The following PAG1 variants were observed in gnomAD, a reference collection of about 807,000 sequenced individuals.
The protein encoded by PAG1 is phosphoprotein membrane anchor with glycosphingolipid microdomains 1.
Under a neutral mutation model 31.7 loss-of-function variants are expected in PAG1, and 23 were observed. That is an observed-to-expected ratio of 0.73 (90% CI 0.52 to 1.03). PAG1 has a LOEUF of 1.03. Ranked by LOEUF, PAG1 falls within the 50% of genes least tolerant of loss-of-function variation. PAG1 has a pLI of 0.00. For synonymous variants in PAG1, 214 were observed against 210.3 expected, an observed-to-expected ratio of 1.02 and a Z score of -0.15; for missense variants, 473 against 540.7, an observed-to-expected ratio of 0.87 and a Z score of 1.24.
chr8:80,984,859 G>C lies in PAG1; in HGVS notation c.793C>G (p.Leu265Val). Residue 265 changes from leucine to valine, a missense_variant, in exon 7 of 9, where the codon CTG (leucine) becomes GTG (valine). By Grantham distance (32) the Leu-to-Val change is conservative (BLOSUM62 1). Coordinates refer to ENST00000220597, the MANE Select transcript of PAG1 (RefSeq NM_018440.4). ...TCCTGAAGGTTTTCATTCTCGTCCA[G>C]AAGCTTAACAGGGACAGGTGGTGGG... Reference protein sequence around the residue: ...EAPPPVPVKLLDENENLQEKE... With the variant: ...EAPPPVPVKLVDENENLQEKE... The C allele has an allele frequency of 1.9e-6, 3 of 1,614,114 alleles. No homozygotes were observed. The South Asian group carries it at 3.3e-5, about 18-fold the overall frequency.
chr8:81,004,870 T>C (rs1807847709), intron 3 of PAG1, among the ~76,000 whole-genome samples: 1 of 152,042 alleles, frequency 6.6e-6, no homozygotes, highest in Non-Finnish European at 1.5e-5. Context: ...TGGAAAGGAC[T>C]CCCTCCCACG....
At chr8:81,075,058 C>A (rs1418824950) in intron 1 of PAG1, among the ~76,000 whole-genome samples, 3 of 152,220 alleles carry the variant, frequency 2.0e-5, no homozygotes, top group Non-Finnish European at 4.4e-5. Context: ...CATCTCCTTA[C>A]TTCCTGCAAC....
At chr8:81,065,558 T>G (rs561030304) in intron 2 of PAG1, among the ~76,000 whole-genome samples, 1 of 152,274 alleles carries the variant, frequency 6.6e-6, no homozygotes, top group South Asian at 2.1e-4. Context: ...TTACGTCACC[T>G]GACTCTCCAG....
chr8:81,088,859 C>A (rs1809401737), intron 1 of PAG1, among the ~76,000 whole-genome samples: 1 of 152,182 alleles, frequency 6.6e-6, no homozygotes, highest in Non-Finnish European at 1.5e-5. Context: ...CATTTATCAT[C>A]CTTAAGGAAA....
At chr8:81,046,593 T>C (rs1011680496) in intron 2 of PAG1, among the ~76,000 whole-genome samples, 1 of 152,232 alleles carries the variant, frequency 6.6e-6, no homozygotes, top group African/African-American at 2.4e-5. Flanking sequence ...AAACATAATT[T>C]AATGCACGGA....
intron 1 of PAG1, among the ~76,000 whole-genome samples, chr8:81,104,930 C>T (rs898015200): frequency 1.3e-5 from 2 of 152,116 alleles, no homozygotes; most frequent in Non-Finnish European, 2.9e-5. Context: ...CTCCAGCCTC[C>T]GCTCTCCATC....
chr8:81,107,261 T>A (rs1008189667), intron 1 of PAG1, among the ~76,000 whole-genome samples: 14 of 152,324 alleles, frequency 9.2e-5, no homozygotes, highest in Non-Finnish European at 1.9e-4. Flanking sequence ...TGCTGTCAAT[T>A]CCTGCTCCTG....
intron 4 of PAG1, among the ~76,000 whole-genome samples, chr8:80,992,063 G>C (rs1807561746): frequency 6.6e-6 from 1 of 152,140 alleles, no homozygotes; most frequent in South Asian, 2.1e-4. Context: ...TCTAAAGAAA[G>C]CCATCAGTTG....
intron 1 of PAG1, among the ~76,000 whole-genome samples, chr8:81,093,889 G>T (rs1212028068): frequency 1.3e-5 from 2 of 152,162 alleles, no homozygotes; most frequent in Non-Finnish European, 2.9e-5. Flanking sequence ...GGCCTGCCTT[G>T]CCCTGGTCAA....
At chr8:81,058,286 G>T (rs1011098646) in intron 2 of PAG1, among the ~76,000 whole-genome samples, 3 of 152,154 alleles carry the variant, frequency 2.0e-5, no homozygotes, top group African/African-American at 7.2e-5. Context: ...TCCTTCTGCA[G>T]GTTTCAATGT....
chr8:81,006,966 C>T (rs1299385238), intron 3 of PAG1, among the ~76,000 whole-genome samples: 1 of 152,178 alleles, frequency 6.6e-6, no homozygotes, highest in Admixed American at 6.5e-5. Flanking sequence ...CCCCAATTTC[C>T]ATTTTCTTTG....
chr8:81,078,380 T>C (rs1235714627), intron 1 of PAG1, among the ~76,000 whole-genome samples: 3 of 152,172 alleles, frequency 2.0e-5, no homozygotes, highest in Admixed American at 6.5e-5. Context: ...CAGGGCAAAA[T>C]ACCTTCCTAA....
intron 1 of PAG1, among the ~76,000 whole-genome samples, chr8:81,075,839 ATAT>A (rs1315302832): frequency 1.3e-5 from 2 of 152,342 alleles, no homozygotes; most frequent in East Asian, 3.9e-4. Context: ...TCACTACTAA[ATAT>A]TATATGTGCC....
intron 2 of PAG1, among the ~76,000 whole-genome samples, chr8:81,051,564 T>C (rs1808728804): frequency 6.6e-6 from 1 of 152,210 alleles, no homozygotes. Flanking sequence ...CGACTGAACA[T>C]CCTTTCTCAT....
chr8:81,075,555 C>T (rs1336642107), intron 1 of PAG1, among the ~76,000 whole-genome samples: 1 of 152,206 alleles, frequency 6.6e-6, no homozygotes, highest in African/African-American at 2.4e-5. Context: ...GTACTATTTG[C>T]AGACACCATG....
chr8:81,049,867 T>TGAC (rs1808698757), intron 2 of PAG1, among the ~76,000 whole-genome samples: 1 of 152,178 alleles, frequency 6.6e-6, no homozygotes, highest in Non-Finnish European at 1.5e-5. Flanking sequence ...TCTAGACTGC[T>TGAC]GACTCCCAGT....
At chr8:81,024,634 A>C (rs1335645709) in intron 3 of PAG1, among the ~76,000 whole-genome samples, 1 of 152,232 alleles carries the variant, frequency 6.6e-6, no homozygotes, top group Non-Finnish European at 1.5e-5. Context: ...GCCATACCAC[A>C]GAGTTAAAAG....
In PAG1 at chr8:80,990,508, G is replaced by A. The variant is rs1807517949; in HGVS notation, c.177+971C>T. 6.6e-6 allele frequency among the ~76,000 whole-genome samples: 1 copy of A among 152,184 alleles called. No homozygotes were observed. Among genetic ancestry groups the A allele is most frequent in the Admixed American group, 6.5e-5 (1 of 15,288 alleles). ...CATCTTCTGTCTTAGCACTGCCACAGGACTCAGGGCAGATTCTGAACTCTG... is the reference window on the plus strand; with the variant it reads ...CATCTTCTGTCTTAGCACTGCCACAAGACTCAGGGCAGATTCTGAACTCTG... On this transcript the variant is annotated intron_variant, in intron 5 of 8. Transcript: ENST00000220597. The surrounding 1 kb of genome is among the most constrained non-coding windows in gnomAD (Gnocchi z 5.1).
chr8:81,075,065 C>A (rs1181743319), intron 1 of PAG1, among the ~76,000 whole-genome samples: 1 of 152,196 alleles, frequency 6.6e-6, no homozygotes, highest in African/African-American at 2.4e-5. Context: ...TTACTTCCTG[C>A]AACCAGGTAC....
Sources: gnomAD v4.1 joint callset for allele counts (sites outside exome capture counted in the v4.1 genomes callset) on GRCh38, gnomAD v4.1.1 for gene constraint, Gnocchi (gnomAD v3.1) non-coding constraint, MANE v1.5 for transcripts, NCBI Gene and HGNC (gene_info 2026-07-23, HGNC 2026-07-21) for gene names.